Variants in DGKH observed in about 807,000 individuals in gnomAD.
DGKH encodes the protein diacylglycerol kinase eta, also known as DAG kinase eta.
DGKH carries 90 observed loss-of-function variants against 159.3 expected under a neutral mutation model. The observed-to-expected ratio is 0.57, with a 90% CI of 0.48 to 0.67. DGKH has a LOEUF of 0.67. DGKH is among the 30% of genes least tolerant of loss of function. DGKH has a pLI of 0.00. For synonymous variants in DGKH, 536 were observed against 553.8 expected (o/e 0.97, Z 0.45); for missense variants, 1,181 against 1,506.1 (o/e 0.78, Z 3.57).
chr13:42,198,694 G>A, intron 18 of DGKH, 99 bp downstream of exon 18: 1 of 1,034,292 alleles, frequency 9.7e-7, no homozygotes, highest in African/African-American at 1.7e-5. Context: ...CAATAAATAT[G>A]GTCCCATGTA....
chr13:42,246,245 C>T (rs1361670816), downstream of DGKH, among the ~76,000 whole-genome samples: 2 of 152,140 alleles, frequency 1.3e-5, no homozygotes, highest in Non-Finnish European at 2.9e-5. Context: ...CATAATGGAG[C>T]TTGTCCCAAA....
chr13:42,249,489 C>T (rs1039357846), intron 29 of DGKH, among the ~76,000 whole-genome samples: 4 of 152,148 alleles, frequency 2.6e-5, no homozygotes, highest in Non-Finnish European at 4.4e-5. Flanking sequence ...GATTTTGTAA[C>T]CCACTAATGA....
rs571111170 is a variant in DGKH, at chr13:42,188,974, A to G, written c.1639-62A>G. On this transcript the variant is annotated intron_variant, in intron 14 of 29. Transcript: ENST00000337343. Reference sequence around the variant, plus strand: ...AAACATCTCTATAAAAATTTCTTGTACTTTGTCTGCTGATCTTGATTCTTT... The same window carrying G: ...AAACATCTCTATAAAAATTTCTTGTGCTTTGTCTGCTGATCTTGATTCTTT... 10 of 1,551,368 alleles carry G rather than the reference A, an allele frequency of 6.4e-6. No homozygotes were observed. The South Asian group carries it at 1.2e-4, about 19-fold the overall frequency.
intron 8 of DGKH, among the ~76,000 whole-genome samples, chr13:42,165,987 G>T (rs898546740): frequency 6.6e-6 from 1 of 152,040 alleles, no homozygotes; most frequent in Admixed American, 6.6e-5. Flanking sequence ...GCTGTTTTAT[G>T]TAACAGACTT....
chr13:42,226,228 A>G (rs534715297), intron 29 of DGKH, among the ~76,000 whole-genome samples: 22 of 152,338 alleles, frequency 1.4e-4, no homozygotes, highest in Non-Finnish European at 3.1e-4. Context: ...GAGAAGTGCA[A>G]ATCAAAACCT....
chr13:42,100,540 C>T (rs935762750), intron 1 of DGKH, among the ~76,000 whole-genome samples: 9 of 152,178 alleles, frequency 5.9e-5, no homozygotes, highest in East Asian at 5.8e-4. Flanking sequence ...ACACCACCAG[C>T]GCATTAACTG....
chr13:42,130,918 T>C (rs541951288), intron 3 of DGKH, among the ~76,000 whole-genome samples: 31 of 151,960 alleles, frequency 2.0e-4, no homozygotes, highest in African/African-American at 6.3e-4. Flanking sequence ...GAGAGCATTC[T>C]TAAGTAAAGG....
chr13:42,123,101 A>G (rs1955106995), intron 1 of DGKH, among the ~76,000 whole-genome samples: 1 of 152,186 alleles, frequency 6.6e-6, no homozygotes, highest in African/African-American at 2.4e-5. Flanking sequence ...ACTGTGGTCT[A>G]TTTCTTAGTT....
upstream of DGKH, among the ~76,000 whole-genome samples, chr13:42,047,972 CG>C (rs947609109): frequency 5.3e-5 from 8 of 150,408 alleles, no homozygotes; most frequent in Non-Finnish European, 1.0e-4. Flanking sequence ...GTTCTCAGAG[CG>C]GAGCTGAACC....
chr13:42,096,323 A>G (rs1036183696), intron 1 of DGKH, among the ~76,000 whole-genome samples: 3 of 152,092 alleles, frequency 2.0e-5, no homozygotes, highest in Non-Finnish European at 4.4e-5. Flanking sequence ...TCCCACTTAT[A>G]AATGAGAACA....
At chr13:42,225,303 A>T in intron 29 of DGKH, 1 of 1,585,548 alleles carries the variant, frequency 6.3e-7, no homozygotes, top group African/African-American at 1.3e-5. Flanking sequence ...ACAGTAGGAG[A>T]AAAAAGAGAC....
At chr13:42,105,456 T>G (rs978775268) in intron 1 of DGKH, among the ~76,000 whole-genome samples, 2 of 152,174 alleles carry the variant, frequency 1.3e-5, no homozygotes, top group African/African-American at 2.4e-5. Context: ...GGGAGATACA[T>G]TCCAACCATA....
chr13:42,251,616 A>G (rs745550426), intron 29 of DGKH, among the ~76,000 whole-genome samples: 1 of 152,062 alleles, frequency 6.6e-6, no homozygotes, highest in Non-Finnish European at 1.5e-5. Context: ...CACACACTAC[A>G]TACAGATATG....
At chr13:42,195,704 G>A (rs573595980) in intron 17 of DGKH, 30 of 152,230 alleles carry the variant, frequency 2.0e-4, no homozygotes, top group African/African-American at 6.5e-4. Context: ...TAAGCCATGA[G>A]TCTCTCTGTA....
chr13:42,100,914 G>A (rs1954640133), intron 1 of DGKH, among the ~76,000 whole-genome samples: 1 of 152,176 alleles, frequency 6.6e-6, no homozygotes. Flanking sequence ...AGACTTACTA[G>A]TTACAGTTCT....
rs139189949 is a variant in DGKH, at chr13:42,135,814, T to G, written c.384+6182T>G. ...GACCTCCTGATGTTTAATCTAAGGC[T>G]CTTTCCAATCAGACAGAGTCCTTTC... is the stretch of plus-strand genomic sequence containing the variant. On this transcript the variant is annotated intron_variant, in intron 3 of 29. Transcript: ENST00000337343. Among the ~76,000 whole-genome samples, 268 of 152,310 alleles carry G rather than the reference T, an allele frequency of 1.8e-3. 2 individuals carry two copies. Among genetic ancestry groups the G allele is most frequent in the African/African-American group, 6.2e-3 (256 of 41,572 alleles).
chr13:42,089,172 AT>A (rs1387075199), intron 1 of DGKH, among the ~76,000 whole-genome samples: 6 of 152,196 alleles, frequency 3.9e-5, no homozygotes, highest in Non-Finnish European at 8.8e-5. Flanking sequence ...ATATTTGGAA[AT>A]TTCAGCACCC....
chr13:42,209,511 G>T, intron 23 of DGKH, 46 bp downstream of exon 23: 1 of 1,492,852 alleles, frequency 6.7e-7, no homozygotes, highest in Non-Finnish European at 8.9e-7. Context: ...GGTTTTTAAA[G>T]AATCTGAAAT....
At chr13:42,212,508 C>T (rs529731004) in intron 24 of DGKH, among the ~76,000 whole-genome samples, 1 of 152,106 alleles carries the variant, frequency 6.6e-6, no homozygotes, top group East Asian at 1.9e-4. Flanking sequence ...TTTTTGAAAC[C>T]AAAATATACT....
Sources: allele counts gnomAD v4.1 joint callset (sites outside exome capture counted in the v4.1 genomes callset), GRCh38; gene constraint gnomAD v4.1.1; transcripts MANE v1.5; gene names NCBI Gene and HGNC (gene_info 2026-07-23, HGNC 2026-07-21).